The following MAPK4 variants were observed in gnomAD, a reference collection of about 807,000 sequenced individuals.
MAPK4 encodes the protein mitogen-activated protein kinase 4, also known as Erk3-related.
Under a neutral mutation model 47.7 loss-of-function variants are expected in MAPK4, and 22 were observed. That is an observed-to-expected ratio of 0.46 (90% CI 0.33 to 0.66). The LOEUF (loss-of-function observed/expected upper bound fraction) is 0.66, where lower values mean the gene tolerates loss of function less well. Among genes scored for constraint, MAPK4 ranks in the 30% least tolerant of loss-of-function variants. The probability of loss-of-function intolerance (pLI) is 0.02; values close to 1 mark genes in which losing one functional copy is unlikely to be tolerated. For missense variants in MAPK4, 736 were observed against 831.7 expected (o/e 0.88, Z 1.42); for synonymous variants, 390 against 365.7 (o/e 1.07, Z -0.76).
At chr18:50,587,989 C>A (rs2042403512) in intron 1 of MAPK4, among the ~76,000 whole-genome samples, 1 of 152,064 alleles carries the variant, frequency 6.6e-6, no homozygotes, top group Non-Finnish European at 1.5e-5. Flanking sequence ...CCTCAGCCTC[C>A]CAAAGTGCTG....
At chr18:50,586,748 T>C (rs1315853661) in intron 1 of MAPK4, among the ~76,000 whole-genome samples, 2 of 152,166 alleles carry the variant, frequency 1.3e-5, no homozygotes, top group Non-Finnish European at 2.9e-5. Flanking sequence ...AAAAAGGGTC[T>C]TTTTTCCTAC....
chr18:50,656,657 C>A (rs1411206150), intron 1 of MAPK4, among the ~76,000 whole-genome samples: 3 of 152,204 alleles, frequency 2.0e-5, no homozygotes, highest in Non-Finnish European at 4.4e-5. Context: ...CCTTCCACAT[C>A]CTCCAAGAGC....
intron 1 of MAPK4, among the ~76,000 whole-genome samples, chr18:50,627,774 TGTGAGTTTGGATG>T (rs1380182423): frequency 1.3e-5 from 2 of 152,150 alleles, no homozygotes. Context: ...CTCCCATGCC[TGTGAGTTTGGATG>T]GTGTTGATTA....
intron 1 of MAPK4, among the ~76,000 whole-genome samples, chr18:50,656,663 A>G (rs2043112848): frequency 6.6e-6 from 1 of 152,204 alleles, no homozygotes; most frequent in African/African-American, 2.4e-5. Context: ...ACATCCTCCA[A>G]GAGCCTCTCT....
At position 50,729,995 on chromosome 18, in the gene MAPK4, AATGTCC is replaced by A; in HGVS notation, c.*144_*149del. ...CGTGAAGGATCCGAGGAGCGAGAGG[AATGTCC>A]ATTTCTTAAACTGCCTTAATAACTA... On this transcript the variant is annotated 3_prime_UTR_variant, in exon 6 of 6. Coordinates refer to ENST00000400384, the MANE Select transcript of MAPK4 (RefSeq NM_002747.4). 1 of 870,694 alleles carries A rather than the reference AATGTCC, an allele frequency of 1.1e-6. No individual in the cohort carries two copies. The highest frequency in any genetic ancestry group is 1.7e-6 in the Non-Finnish European group (1 of 591,970). 53.9% of individuals were successfully genotyped at this position (870,694 alleles called of 1,614,324 possible).
intron 1 of MAPK4, among the ~76,000 whole-genome samples, chr18:50,638,783 G>A (rs772545313): frequency 6.6e-6 from 1 of 152,174 alleles, no homozygotes; most frequent in African/African-American, 2.4e-5. Context: ...TGCTGTTGAC[G>A]GACTGGCTGC....
chr18:50,627,732 G>A (rs1285952352), intron 1 of MAPK4, among the ~76,000 whole-genome samples: 1 of 152,194 alleles, frequency 6.6e-6, no homozygotes, highest in Non-Finnish European at 1.5e-5. Flanking sequence ...GGCTGGTACT[G>A]CCTGCCCAGG....
intron 2 of MAPK4, among the ~76,000 whole-genome samples, chr18:50,699,047 A>T (rs1290053470): frequency 6.6e-6 from 1 of 152,156 alleles, no homozygotes; most frequent in South Asian, 2.1e-4. Context: ...AAAATTGAGT[A>T]ATATATAAAA....
At chr18:50,622,495 C>T (rs772361358) in intron 1 of MAPK4, among the ~76,000 whole-genome samples, 1 of 152,194 alleles carries the variant, frequency 6.6e-6, no homozygotes, top group Non-Finnish European at 1.5e-5. Flanking sequence ...CAGGTGACTC[C>T]GTTCAGCCAA....
chr18:50,672,347 A>C (rs1908003193), intron 2 of MAPK4, among the ~76,000 whole-genome samples: 1 of 152,218 alleles, frequency 6.6e-6, no homozygotes. Context: ...TGTTATTCCA[A>C]ATCAGTGGAG....
At chr18:50,566,317 A>C (rs545184768) in intron 1 of MAPK4, among the ~76,000 whole-genome samples, 2 of 152,340 alleles carry the variant, frequency 1.3e-5, no homozygotes, top group South Asian at 4.1e-4. Flanking sequence ...AGTCACAGAA[A>C]TTAGACCTGA....
At chr18:50,586,035 G>T (rs1487825277) in intron 1 of MAPK4, among the ~76,000 whole-genome samples, 2 of 152,162 alleles carry the variant, frequency 1.3e-5, no homozygotes, top group Non-Finnish European at 2.9e-5. Flanking sequence ...CCATATTACT[G>T]GGTGTGACCA....
At position 50,664,202 on chromosome 18, in the gene MAPK4, G is replaced by C. The variant is rs745497107; in HGVS notation, c.244G>C (p.Glu82Gln). 2 of 1,613,974 alleles carry C rather than the reference G, an allele frequency of 1.2e-6. No individual in the cohort carries two copies. The highest frequency in any genetic ancestry group is 1.7e-5 in the Admixed American group (1 of 60,008). ...LDHDNIVKVY[E>Q]VLGPKGTDLQ... ...CCACGACAACATCGTCAAAGTGTAC[G>C]AGGTGCTCGGTCCCAAGGGCACTGA... is the stretch of plus-strand genomic sequence containing the variant. The change falls in exon 2 of 6, where the codon GAG becomes CAG. Residue 82 changes from glutamate (E) to glutamine (Q), a missense_variant. Physicochemically the swap from Glu to Gln is conservative, Grantham distance 29. Transcript: ENST00000400384. The surrounding 1 kb of genome is among the most constrained non-coding windows in gnomAD (Gnocchi z 6.0).
intron 3 of MAPK4, among the ~76,000 whole-genome samples, chr18:50,717,264 A>T (rs1203240958): frequency 6.6e-6 from 1 of 152,190 alleles, no homozygotes; most frequent in East Asian, 1.9e-4. Flanking sequence ...TCAGAGTGGC[A>T]GACGCTGGGG....
intron 1 of MAPK4, among the ~76,000 whole-genome samples, chr18:50,630,524 C>T (rs1030113053): frequency 1.3e-5 from 2 of 152,158 alleles, no homozygotes; most frequent in Non-Finnish European, 2.9e-5. Context: ...ACCAACCTTC[C>T]GTAGCCATTC....
chr18:50,659,868 C>T (rs775027412), intron 1 of MAPK4, among the ~76,000 whole-genome samples: 10 of 152,154 alleles, frequency 6.6e-5, no homozygotes, highest in African/African-American at 1.4e-4. Context: ...ACCTGTGATT[C>T]GGAGCAGCTC....
chr18:50,710,947 G>C (rs1319818420), intron 2 of MAPK4, among the ~76,000 whole-genome samples: 1 of 152,200 alleles, frequency 6.6e-6, no homozygotes, highest in East Asian at 1.9e-4. Context: ...ATCAGGCAGT[G>C]GGGGCACAGC....
chr18:50,665,966 A>G (rs1435386109), intron 2 of MAPK4, among the ~76,000 whole-genome samples: 5 of 152,208 alleles, frequency 3.3e-5, no homozygotes. Flanking sequence ...CAATGACTCC[A>G]AACCACCAAA....
chr18:50,613,062 T>C (rs114089525), intron 1 of MAPK4, among the ~76,000 whole-genome samples: 1 of 152,222 alleles, frequency 6.6e-6, no homozygotes, highest in Admixed American at 6.5e-5. Context: ...AGAAAACACA[T>C]TGTGGCAAAC....
Sources: gnomAD v4.1 joint callset for allele counts (sites outside exome capture counted in the v4.1 genomes callset) on GRCh38, gnomAD v4.1.1 for gene constraint, Gnocchi (gnomAD v3.1) non-coding constraint, MANE v1.5 for transcripts, NCBI Gene and HGNC (gene_info 2026-07-23, HGNC 2026-07-21) for gene names.